VWA5B2: variants seen among roughly 807,000 people sequenced by gnomAD.
The protein encoded by VWA5B2 is von Willebrand factor A domain-containing protein 5B2.
A neutral mutation model predicts 118.5 loss-of-function variants in VWA5B2; 93 were observed. The observed-to-expected ratio is 0.79, with a 90% CI of 0.66 to 0.93. The LOEUF is 0.93. Ranked by LOEUF, VWA5B2 falls within the 40% of genes least tolerant of loss-of-function variation. The pLI, the probability that VWA5B2 is intolerant of heterozygous loss-of-function variation, is 0.00. For synonymous variants in VWA5B2, 708 were observed against 716.3 expected (o/e 0.99, Z 0.19); for missense variants, 1,546 against 1,672.8 (o/e 0.92, Z 1.32).
rs762020504 is a variant in VWA5B2 at position 184,237,156 on chromosome 3, C to A, written c.1534-70C>A. ...GCAGATGGCATCAGGGGAAGGGCAG[C>A]CTTCCTGCTCTGTCTGGCCGTATGA... On this transcript the variant is annotated intron_variant, in intron 11 of 19. Transcript: ENST00000691901. The surrounding 1 kb of genome is among the most constrained non-coding windows in gnomAD (Gnocchi z 5.6). 119 of 1,492,942 alleles carry A rather than the reference C, an allele frequency of 8.0e-5. No individual in the cohort carries two copies. Among genetic ancestry groups the A allele is most frequent in the Non-Finnish European group, 1.0e-4 (115 of 1,109,218 alleles). 92.5% of individuals were successfully genotyped at this position (1,492,942 alleles called of 1,614,324 possible).
In VWA5B2 at chr3:184,241,818, C is replaced by T. The variant is rs1427250238; in HGVS notation, c.3509C>T (p.Ala1170Val). ...TDLRGRTWAT[A>V]VALAWLEHRC... ...CTGCGGGGCCGGACCTGGGCCACTG[C>T]CGTAGCACTCGCCTGGCTGGAGCAC... Residue 1170 changes from alanine to valine, a missense_variant, in exon 20 of 20, where the codon GCC (alanine) becomes GTC (valine). Coordinates refer to ENST00000691901, the MANE Select transcript of VWA5B2 (RefSeq NM_001390846.1). This position sits in a 1 kb window ranked among gnomAD's most constrained non-coding sequence, Gnocchi z 5.1. The T allele has an allele frequency of 1.3e-6, 2 of 1,519,168 alleles. No individual in the cohort carries two copies. The highest frequency in any genetic ancestry group is 2.5e-5 in the South Asian group (2 of 79,292). The allele number at this position is 1,519,168 out of a possible 1,614,324, so 94.1% of individuals were successfully genotyped here.
chr3:184,233,503 G>T lies in VWA5B2; in HGVS notation c.531-73G>T, dbSNP rs764669883. On this transcript the variant is annotated intron_variant, in intron 4 of 19. Transcript: ENST00000691901. The surrounding 1 kb of genome is among the most constrained non-coding windows in gnomAD (Gnocchi z 5.2). Reference sequence around the variant, plus strand: ...CCAGGGATGGGAAGGGTGAGGAAGGGCTGGGGCCAGTCAGCCGGAGGGTTT... The same window carrying T: ...CCAGGGATGGGAAGGGTGAGGAAGGTCTGGGGCCAGTCAGCCGGAGGGTTT... 7 of 1,517,398 alleles carry T rather than the reference G, an allele frequency of 4.6e-6. No individual in the cohort carries two copies. The African/African-American group carries it at 8.3e-5, about 18-fold the overall frequency. 94.0% of individuals were successfully genotyped at this position (1,517,398 alleles called of 1,614,324 possible).
chr3:184,230,501 G>A lies in VWA5B2; in HGVS notation c.-28G>A, dbSNP rs1373485728. On this transcript the variant is annotated 5_prime_UTR_variant, in exon 2 of 20. Transcript: ENST00000691901. Reference sequence around the variant, plus strand: ...ACCCTGCGCCCAGCTTCCCCGGCCCGTTCCCGCAGGGCCGGCCTCCCGGCG... The same window carrying A: ...ACCCTGCGCCCAGCTTCCCCGGCCCATTCCCGCAGGGCCGGCCTCCCGGCG... 2 of 1,431,106 alleles carry A rather than the reference G, an allele frequency of 1.4e-6. No homozygotes were observed. The highest frequency in any genetic ancestry group is 1.8e-6 in the Non-Finnish European group (2 of 1,102,808). The allele number at this position is 1,431,106 out of a possible 1,614,324, so 88.7% of individuals were successfully genotyped here.
rs1165405626 is a variant in VWA5B2, at chr3:184,239,761, C to T, written c.2465C>T (p.Pro822Leu). Residue 822 changes from proline (P) to leucine (L), a missense_variant, in exon 16 of 20, where the codon CCT becomes CTT. Physicochemically the swap from Pro to Leu is moderately conservative, Grantham distance 98. Transcript: ENST00000691901. The surrounding 1 kb of genome is among the most constrained non-coding windows in gnomAD (Gnocchi z 5.1). ...CCACCCTTCTTATTCACGGCTGTGC[C>T]TCCTAGTGGGGAGTTGGCCCCTCCA... ...MEPPFLFTAV[P>L]PSGELAPPAV... 1 of 1,526,720 alleles carries T rather than the reference C, an allele frequency of 6.5e-7. No homozygotes were observed. The highest frequency in any genetic ancestry group is 8.8e-7 in the Non-Finnish European group (1 of 1,131,564). 94.6% of individuals were successfully genotyped at this position (1,526,720 alleles called of 1,614,324 possible).
At chr3:184,236,061 A>G in intron 8 of VWA5B2, 91 bp from the exon 9 acceptor site, 2 of 1,212,938 alleles carry the variant, frequency 1.6e-6, no homozygotes, top group Non-Finnish European at 2.4e-6. Flanking sequence ...CACTTGAATC[A>G]CAGCCTGGAT....
chr3:184,239,748 TTCAC>T lies in VWA5B2; in HGVS notation c.2453_2456del (p.Phe818TrpfsTer24), dbSNP rs1718368140. Reference sequence around the variant, plus strand: ...CATGCTGATGGAACCACCCTTCTTATTCACGGCTGTGCCTCCTAGTGGGGAGTTG... The same window carrying T: ...CATGCTGATGGAACCACCCTTCTTATGGCTGTGCCTCCTAGTGGGGAGTTG... On this transcript the variant is annotated frameshift_variant, in exon 16 of 20. Transcript: ENST00000691901. LOFTEE classifies it high-confidence loss of function. This position sits in a 1 kb window ranked among gnomAD's most constrained non-coding sequence, Gnocchi z 5.1. The T allele has an allele frequency of 6.6e-7, 1 of 1,513,176 alleles. No individual in the cohort carries two copies. Among genetic ancestry groups the T allele is most frequent in the South Asian group, 1.3e-5 (1 of 78,286 alleles). The allele number at this position is 1,513,176 out of a possible 1,614,324, so 93.7% of individuals were successfully genotyped here. A position where few individuals can be genotyped will look rare whatever the true frequency, so the allele number is the denominator to read the frequency against.
At position 184,241,157 on chromosome 3, in the gene VWA5B2, G is replaced by T; in HGVS notation, c.2963-30G>T. ...GTAGGGGCACTTGGGCTTAGAGACC[G>T]CCCCCTGGCACTGATGATCCCCACT... On this transcript the variant is annotated intron_variant, in intron 18 of 19. Coordinates refer to ENST00000691901, the MANE Select transcript of VWA5B2 (RefSeq NM_001390846.1). The surrounding 1 kb of genome is among the most constrained non-coding windows in gnomAD (Gnocchi z 5.1). 1 of 1,551,210 alleles carries T rather than the reference G, an allele frequency of 6.4e-7. No homozygotes were observed. The highest frequency in any genetic ancestry group is 8.7e-7 in the Non-Finnish European group (1 of 1,146,748).
chr3:184,240,163 A>G, intron 16 of VWA5B2, 127 bp downstream of exon 16: 2 of 745,908 alleles, frequency 2.7e-6, no homozygotes, highest in East Asian at 5.6e-5. Context: ...CTCATCACAG[A>G]CAAGATAAAA....
Position 184,241,131 on chromosome 3 carries a change from G to C in VWA5B2, c.2962+24G>C. On this transcript the variant is annotated intron_variant, in intron 18 of 19. Coordinates refer to ENST00000691901, the MANE Select transcript of VWA5B2 (RefSeq NM_001390846.1). This position sits in a 1 kb window ranked among gnomAD's most constrained non-coding sequence, Gnocchi z 5.1. Reference sequence around the variant, plus strand: ...AGGTAACACCCAAAGGTAGGGAAAGGGTAGGGGCACTTGGGCTTAGAGACC... The same window carrying C: ...AGGTAACACCCAAAGGTAGGGAAAGCGTAGGGGCACTTGGGCTTAGAGACC... 8 of 1,551,592 alleles carry C rather than the reference G, an allele frequency of 5.2e-6. No individual in the cohort carries two copies. The highest frequency in any genetic ancestry group is 1.2e-5 in the South Asian group (1 of 84,052).
rs1319137221 is a variant in VWA5B2, at chr3:184,240,974, C to T, written c.2878+46C>T. 2.6e-6 allele frequency: 4 copies of T among 1,551,410 alleles called. No homozygotes were observed. In the African/African-American group the frequency reaches 5.5e-5, roughly 21 times the overall value. On this transcript the variant is annotated intron_variant, in intron 17 of 19. Coordinates refer to ENST00000691901, the MANE Select transcript of VWA5B2 (RefSeq NM_001390846.1). The stretch of plus-strand genomic sequence containing the variant: ...CCTCTCAGGTGCAGCTCTCACCTCA[C>T]TGGCCACTCTCCTGGACAAACCTGA...
chr3:184,237,591 C>A lies in VWA5B2; in HGVS notation c.1719+180C>A, dbSNP rs796112560. Among the ~76,000 whole-genome samples, 1 of 152,202 alleles carries A rather than the reference C, an allele frequency of 6.6e-6. No individual in the cohort carries two copies. The highest frequency in any genetic ancestry group is 1.5e-5 in the Non-Finnish European group (1 of 68,038). ...CACTGGGCCCCCTAAGATGACCACA[C>A]CCTGTCCCCTTCATGGAGTCTTCCA... On this transcript the variant is annotated intron_variant, in intron 12 of 19. Transcript: ENST00000691901. This position sits in a 1 kb window ranked among gnomAD's most constrained non-coding sequence, Gnocchi z 5.6.
In VWA5B2 at chr3:184,238,732, A is replaced by G. The variant is rs1163676404; in HGVS notation, c.2061A>G (p.Pro687=). ...GPGSTGSSES[P]GSQGPGSPEG... ...GCTCCACAGGCAGCAGTGAGTCCCC[A>G]GGCTCACAGGGCCCTGGCTCCCCCG... Residue 687 remains proline, a synonymous_variant, in exon 14 of 20, where the codon CCA becomes CCG. Coordinates refer to ENST00000691901, the MANE Select transcript of VWA5B2 (RefSeq NM_001390846.1). This position sits in a 1 kb window ranked among gnomAD's most constrained non-coding sequence, Gnocchi z 5.0. 6.4e-7 allele frequency: 1 copy of G among 1,550,990 alleles called. No individual in the cohort carries two copies. The highest frequency in any genetic ancestry group is 8.7e-7 in the Non-Finnish European group (1 of 1,146,958).
intron 2 of VWA5B2, 30 bp downstream of exon 2, chr3:184,230,697 G>T (rs935469036): frequency 3.6e-5 from 44 of 1,227,148 alleles, no homozygotes; most frequent in Non-Finnish European, 4.1e-5. Flanking sequence ...CGGGCGCGGC[G>T]GGGGGTGCGC....
In VWA5B2 at chr3:184,242,233, ACTCACACTCCC is replaced by A. The variant is rs1718808244; in HGVS notation, c.*199_*209del. On this transcript the variant is annotated 3_prime_UTR_variant, in exon 20 of 20. Coordinates refer to ENST00000691901, the MANE Select transcript of VWA5B2 (RefSeq NM_001390846.1). Reference sequence around the variant, plus strand: ...TGCTCTCTCCCTCTCCTCCCACCCCACTCACACTCCCCTCCATCCTCTGAGCTCCCTGCAAC... The same window carrying A: ...TGCTCTCTCCCTCTCCTCCCACCCCACTCCATCCTCTGAGCTCCCTGCAAC... 1 of 756,008 alleles carries A rather than the reference ACTCACACTCCC, an allele frequency of 1.3e-6. No individual in the cohort carries two copies. The highest frequency in any genetic ancestry group is 2.3e-5 in the Admixed American group (1 of 43,382). The allele number at this position is 756,008 out of a possible 1,614,324, so 46.8% of individuals were successfully genotyped here.
chr3:184,234,107 C>G (rs1329175978), intron 5 of VWA5B2, among the ~76,000 whole-genome samples, 159 bp from the exon 6 acceptor site: 3 of 152,176 alleles, frequency 2.0e-5, no homozygotes, highest in Non-Finnish European at 4.4e-5. Context: ...GAATCTACTT[C>G]CCAGCCCATG....
Position 184,230,517 on chromosome 3 carries a change from C to T in VWA5B2, c.-12C>T. On this transcript the variant is annotated 5_prime_UTR_variant, in exon 2 of 20. Transcript: ENST00000691901. ...CCCCGGCCCGTTCCCGCAGGGCCGG[C>T]CTCCCGGCGCCATGCCCGGCCTGTA... The T allele has an allele frequency of 6.9e-7, 1 of 1,454,426 alleles. No homozygotes were observed. The highest frequency in any genetic ancestry group is 1.5e-5 in the African/African-American group (1 of 67,290). The allele number at this position is 1,454,426 out of a possible 1,614,324, so 90.1% of individuals were successfully genotyped here.
intron 3 of VWA5B2, among the ~76,000 whole-genome samples, chr3:184,232,146 G>C (rs1477780914): frequency 2.6e-5 from 4 of 152,040 alleles, no homozygotes; most frequent in African/African-American, 9.7e-5. Context: ...ATGGAAGGGG[G>C]ATAATCCCCC....
rs777601016 is a variant in VWA5B2 at position 184,241,931 on chromosome 3, G to C, written c.3622G>C (p.Asp1208His). 2.2e-5 allele frequency: 34 copies of C among 1,549,132 alleles called. No homozygotes were observed. Among genetic ancestry groups the C allele is most frequent in the Non-Finnish European group, 2.7e-5 (31 of 1,146,908 alleles). ...LRAQHLPDGL[D>H]LAALKAAARG... ...GGCCCAGCACTTGCCTGACGGCCTT[G>C]ACCTGGCCGCCCTCAAGGCCGCAGC... Residue 1208 changes from aspartate to histidine, a missense_variant, in exon 20 of 20, where the codon GAC becomes CAC. Physicochemically the swap from Asp to His is moderately conservative, Grantham distance 81. Around this residue, in one of 3 missense-constraint regions of VWA5B2, gnomAD observed 763 missense variants for 766.6 expected, o/e 1.00. Coordinates refer to ENST00000691901, the MANE Select transcript of VWA5B2 (RefSeq NM_001390846.1). The surrounding 1 kb of genome is among the most constrained non-coding windows in gnomAD (Gnocchi z 5.1).
At chr3:184,240,590 G>T (rs1718482016) in intron 16 of VWA5B2, 1 of 702,312 alleles carries the variant, frequency 1.4e-6, no homozygotes, top group African/African-American at 1.8e-5. Flanking sequence ...GGGGGCTCTT[G>T]CTCTGCTATG....
Sources: allele counts gnomAD v4.1 joint callset (sites outside exome capture counted in the v4.1 genomes callset), GRCh38; gene constraint gnomAD v4.1.1; regional missense constraint gnomAD v4.1.1; non-coding constraint Gnocchi (gnomAD v3.1); transcripts MANE v1.5; gene names NCBI Gene and HGNC (gene_info 2026-07-23, HGNC 2026-07-21).